Variants in TENM3 observed in about 807,000 individuals in gnomAD.
TENM3 encodes the protein teneurin transmembrane protein 3, also known as teneurin-3.
A neutral mutation model predicts 255.1 loss-of-function variants in TENM3; 63 were observed. The ratio of observed to expected loss-of-function variants is 0.25; its 90% CI spans 0.20 to 0.30. The LOEUF (loss-of-function observed/expected upper bound fraction) is 0.30. Ranked by LOEUF, TENM3 falls within the 10% of genes least tolerant of loss-of-function variation. The pLI is 1.00. For missense variants in TENM3, 2,929 were observed against 3,461.1 expected, an observed-to-expected ratio of 0.85 and a Z score of 3.86; for synonymous variants, 1,306 against 1,322.3, an observed-to-expected ratio of 0.99 and a Z score of 0.27.
chr4:182,647,200 C>T (rs1221237378), intron 5 of TENM3, among the ~76,000 whole-genome samples: 1 of 152,174 alleles, frequency 6.6e-6, no homozygotes, highest in Non-Finnish European at 1.5e-5. Context: ...TGCAGGGTGA[C>T]AAGTTATAAT....
At chr4:182,757,826 G>C (rs1762848206) in intron 22 of TENM3, among the ~76,000 whole-genome samples, 1 of 151,992 alleles carries the variant, frequency 6.6e-6, no homozygotes, top group Non-Finnish European at 1.5e-5. Flanking sequence ...TTAAAATACA[G>C]CAAAATCACA....
chr4:182,654,591 T>C (rs188459008), intron 6 of TENM3, among the ~76,000 whole-genome samples: 3 of 152,308 alleles, frequency 2.0e-5, no homozygotes, highest in Non-Finnish European at 2.9e-5. Context: ...CATAATACTT[T>C]ATATCTCAGA....
chr4:182,673,872 A>G (rs143462212), intron 7 of TENM3, among the ~76,000 whole-genome samples: 1 of 152,224 alleles, frequency 6.6e-6, no homozygotes, highest in Non-Finnish European at 1.5e-5. Context: ...CCCTCACAAC[A>G]GCAATCACAG....
At chr4:181,955,608 G>A in the TENM3 span, among the ~76,000 whole-genome samples, 152 of 152,270 alleles carry the variant, frequency 1.0e-3, 1 homozygote, top group African/African-American at 3.5e-3. Flanking sequence ...ACATGTTGTG[G>A]GGAGGGGAGG....
chr4:181,811,773 A>C, the TENM3 span, among the ~76,000 whole-genome samples: 3 of 152,130 alleles, frequency 2.0e-5, no homozygotes, highest in African/African-American at 7.2e-5. Context: ...TGATTCAATT[A>C]CCTCCACCTG....
chr4:181,627,675 T>G, the TENM3 span, among the ~76,000 whole-genome samples: 1 of 152,220 alleles, frequency 6.6e-6, no homozygotes, highest in African/African-American at 2.4e-5. Flanking sequence ...TTATCCTTTT[T>G]TATGGCTGCA....
chr4:181,811,416 T>G, the TENM3 span, among the ~76,000 whole-genome samples: 1 of 152,232 alleles, frequency 6.6e-6, no homozygotes, highest in Non-Finnish European at 1.5e-5. Context: ...TTCCAACACT[T>G]TGGCCAAAAA....
At chr4:181,694,276 A>G in the TENM3 span, among the ~76,000 whole-genome samples, 3 of 152,334 alleles carry the variant, frequency 2.0e-5, no homozygotes, top group Non-Finnish European at 4.4e-5. Flanking sequence ...TGCTGGCTCA[A>G]GCTATCACTA....
At chr4:181,953,117 C>T in the TENM3 span, among the ~76,000 whole-genome samples, 1 of 152,172 alleles carries the variant, frequency 6.6e-6, no homozygotes, top group Non-Finnish European at 1.5e-5. Context: ...TTAATCATAG[C>T]GGTTACCACC....
At chr4:181,846,416 G>C in the TENM3 span, among the ~76,000 whole-genome samples, 1 of 152,022 alleles carries the variant, frequency 6.6e-6, no homozygotes, top group Non-Finnish European at 1.5e-5. Flanking sequence ...TTATGTCTTT[G>C]TGAGGCTCTC....
At chr4:182,045,619 G>GA in the TENM3 span, among the ~76,000 whole-genome samples, 1 of 152,098 alleles carries the variant, frequency 6.6e-6, no homozygotes, top group East Asian at 1.9e-4. Context: ...CAAGGATAGT[G>GA]AAAAAATGGC....
chr4:182,202,920 T>C (rs1318202689), intron 1 of TENM3, among the ~76,000 whole-genome samples: 1 of 151,960 alleles, frequency 6.6e-6, no homozygotes, highest in Admixed American at 6.6e-5. Flanking sequence ...TGTGTCATTA[T>C]GAAAATGGGC....
At chr4:181,743,219 A>G in the TENM3 span, among the ~76,000 whole-genome samples, 2 of 152,076 alleles carry the variant, frequency 1.3e-5, no homozygotes, top group African/African-American at 2.4e-5. Context: ...GTCAAATGGT[A>G]TTTTAGTTCT....
chr4:182,594,201 G>T (rs1262270514), intron 3 of TENM3, among the ~76,000 whole-genome samples: 1 of 151,804 alleles, frequency 6.6e-6, no homozygotes, highest in Non-Finnish European at 1.5e-5. Context: ...TTTTTTAGAG[G>T]CAGGGTCTTG....
chr4:181,966,312 C>G, the TENM3 span, among the ~76,000 whole-genome samples: 256 of 152,144 alleles, frequency 1.7e-3, no homozygotes, highest in African/African-American at 5.7e-3. Context: ...CAAATCTTGC[C>G]CCAGGCATGA....
intron 1 of TENM3, among the ~76,000 whole-genome samples, chr4:182,321,347 C>T (rs750741967): frequency 3.9e-5 from 6 of 152,218 alleles, no homozygotes; most frequent in African/African-American, 7.2e-5. Context: ...TTCTTGGGGC[C>T]GGGCGCGGTG....
chr4:182,113,180 A>G, the TENM3 span, among the ~76,000 whole-genome samples: 1 of 152,200 alleles, frequency 6.6e-6, no homozygotes. Context: ...TCTGGAAGTG[A>G]CTTGTGCTTC....
intron 3 of TENM3, among the ~76,000 whole-genome samples, chr4:182,500,435 G>C (rs1736200459): frequency 6.6e-6 from 1 of 152,118 alleles, no homozygotes; most frequent in African/African-American, 2.4e-5. Flanking sequence ...AAATTGAAGA[G>C]CAGTGAGATA....
intron 1 of TENM3, among the ~76,000 whole-genome samples, chr4:182,210,670 T>C (rs1009097441): frequency 1.3e-5 from 2 of 150,764 alleles, no homozygotes; most frequent in Non-Finnish European, 2.9e-5. Flanking sequence ...CAAAACTCCA[T>C]GTTCATCAAG....
Sources: gnomAD v4.1 joint callset for allele counts (sites outside exome capture counted in the v4.1 genomes callset) on GRCh38, gnomAD v4.1.1 for gene constraint, MANE v1.5 for transcripts, NCBI Gene and HGNC (gene_info 2026-07-23, HGNC 2026-07-21) for gene names.